The following ANKFN1 variants were observed in gnomAD, a reference collection of about 807,000 sequenced individuals.
The protein encoded by ANKFN1 is ankyrin repeat and fibronectin type III domain containing 1.
ANKFN1 carries 74 observed loss-of-function variants against 108.7 expected under a neutral mutation model. The ratio of observed to expected loss-of-function variants is 0.68; its 90% confidence interval spans 0.56 to 0.83. The LOEUF (loss-of-function observed/expected upper bound fraction) is 0.83, where lower values mean the gene tolerates loss of function less well. Ranked by LOEUF, ANKFN1 falls within the 40% of genes least tolerant of loss-of-function variation. The pLI is 0.00. For synonymous variants in ANKFN1, 547 were observed against 516.2 expected, an observed-to-expected ratio of 1.06 and a Z score of -0.81; for missense variants, 1,505 against 1,382.3, an observed-to-expected ratio of 1.09 and a Z score of -1.41.
intron 20 of ANKFN1, among the ~76,000 whole-genome samples, chr17:56,499,420 A>G (rs2051298534): frequency 2.0e-5 from 3 of 152,260 alleles, no homozygotes; most frequent in South Asian, 4.1e-4. Context: ...ATGCCAAGTG[A>G]GGGCCACAAA....
chr17:56,399,536 G>A (rs1355850516), intron 8 of ANKFN1, among the ~76,000 whole-genome samples: 2 of 151,724 alleles, frequency 1.3e-5, no homozygotes, highest in Non-Finnish European at 2.9e-5. Flanking sequence ...GGTTACATGA[G>A]TAAGTTCTTT....
chr17:56,261,613 G>A (rs747937237), intron 3 of ANKFN1, among the ~76,000 whole-genome samples: 91 of 152,086 alleles, frequency 6.0e-4, no homozygotes, highest in Non-Finnish European at 9.4e-4. Flanking sequence ...CTGTCTAAGA[G>A]TCCCAAAGCT....
chr17:56,278,351 C>A (rs2043987661), intron 3 of ANKFN1, among the ~76,000 whole-genome samples: 3 of 152,210 alleles, frequency 2.0e-5, no homozygotes, highest in African/African-American at 7.2e-5. Flanking sequence ...GATCTAAGTT[C>A]TGCAAAATTC....
chr17:56,502,145 AAAC>A (rs2051392294), intron 20 of ANKFN1, among the ~76,000 whole-genome samples: 1 of 152,236 alleles, frequency 6.6e-6, no homozygotes, highest in Non-Finnish European at 1.5e-5. Flanking sequence ...TTAACTCTAC[AAAC>A]AACTCTTCAT....
At chr17:56,122,550 A>G (rs1567794035) in intron 4 of ANKFN1, among the ~76,000 whole-genome samples, 1 of 152,176 alleles carries the variant, frequency 6.6e-6, no homozygotes, top group Non-Finnish European at 1.5e-5. Context: ...ATCCCTGTCC[A>G]CATCTCAAAC....
At chr17:56,228,954 A>G (rs1031948280) in intron 3 of ANKFN1, among the ~76,000 whole-genome samples, 1 of 152,100 alleles carries the variant, frequency 6.6e-6, no homozygotes, top group Admixed American at 6.6e-5. Context: ...TACATGTTCT[A>G]ATAAATTCTC....
Position 56,417,026 on chromosome 17 carries a change from G to T in ANKFN1, c.911-23301G>T, listed in dbSNP as rs116161716. Among the ~76,000 whole-genome samples, 773 of 152,024 alleles carry T rather than the reference G, an allele frequency of 5.1e-3. 5 individuals carry two copies. The highest frequency in any genetic ancestry group is 0.017 in the African/African-American group (720 of 41,470). ...AAATCAAAACAATTAAACCCATAGA[G>T]ATAGAGAATAGAAGGATTGTTACCA... On this transcript the variant is annotated intron_variant, in intron 8 of 20. Coordinates refer to ENST00000682825, the MANE Select transcript of ANKFN1 (RefSeq NM_001370326.1).
intron 6 of ANKFN1, among the ~76,000 whole-genome samples, chr17:56,360,282 G>T (rs907633380): frequency 2.1e-4 from 32 of 152,004 alleles, no homozygotes; most frequent in Admixed American, 2.0e-3. Context: ...CCTTTGTACT[G>T]GCTATTCCAT....
chr17:56,069,825 T>C (rs1168903260), intron 4 of ANKFN1, among the ~76,000 whole-genome samples: 1 of 152,206 alleles, frequency 6.6e-6, no homozygotes, highest in East Asian at 1.9e-4. Flanking sequence ...GGCTACTCCA[T>C]AGACAGAGCA....
chr17:56,194,010 G>T (rs1913258689), intron 1 of ANKFN1, among the ~76,000 whole-genome samples: 2 of 152,304 alleles, frequency 1.3e-5, no homozygotes, highest in South Asian at 4.1e-4. Context: ...GATGGCAAGT[G>T]AGCACATGCA....
At chr17:56,492,010 C>T (rs1057398491) in intron 18 of ANKFN1, among the ~76,000 whole-genome samples, 177 bp from the exon 19 acceptor site, 1 of 152,126 alleles carries the variant, frequency 6.6e-6, no homozygotes, top group Admixed American at 6.5e-5. Flanking sequence ...TACTGTCTGA[C>T]TAAAGCCAGA....
At chr17:56,242,548 A>G (rs1462065823) in intron 3 of ANKFN1, among the ~76,000 whole-genome samples, 1 of 151,998 alleles carries the variant, frequency 6.6e-6, no homozygotes, top group African/African-American at 2.4e-5. Context: ...AACACTACTA[A>G]TCTCTCTAAT....
intron 17 of ANKFN1, 69 bp downstream of exon 17, chr17:56,480,887 G>GT: frequency 7.0e-7 from 1 of 1,425,622 alleles, no homozygotes; most frequent in Non-Finnish European, 9.5e-7. Flanking sequence ...ACATTAAGTG[G>GT]GGTGTGTGTG....
chr17:56,454,640 A>G (rs1044113473), intron 11 of ANKFN1, among the ~76,000 whole-genome samples: 26 of 152,142 alleles, frequency 1.7e-4, no homozygotes, highest in Non-Finnish European at 1.3e-4. Flanking sequence ...GATATCCCCA[A>G]TGTCAGAATC....
intron 4 of ANKFN1, among the ~76,000 whole-genome samples, chr17:56,122,611 T>A: frequency 6.6e-6 from 1 of 152,184 alleles, no homozygotes; most frequent in East Asian, 1.9e-4. Flanking sequence ...CTTCTTCTGC[T>A]TCAGACTATT....
At chr17:56,235,485 G>T (rs1917055774) in intron 3 of ANKFN1, among the ~76,000 whole-genome samples, 1 of 151,948 alleles carries the variant, frequency 6.6e-6, no homozygotes, top group Admixed American at 6.6e-5. Context: ...TTATAGTTTT[G>T]GGTTTTACAT....
At position 56,144,936 on chromosome 17, in the gene ANKFN1, C is replaced by CT. The variant is rs373302760; in HGVS notation, c.289-82971dup. The stretch of plus-strand genomic sequence containing the variant: ...TTTTTCCTCCTTCTCTTCTCTTACC[C>CT]TTTTTTTTTTCTAAAAACCACAAGA... On this transcript the variant is annotated intron_variant, in intron 4 of 12. Transcript: ENST00000635860. 1.6e-3 allele frequency among the ~76,000 whole-genome samples: 236 copies of CT among 150,930 alleles called. 2 individuals are homozygous for CT. The highest frequency in any genetic ancestry group is 5.5e-3 in the African/African-American group (225 of 41,004).
At chr17:56,398,042 A>G (rs1446173130) in intron 8 of ANKFN1, among the ~76,000 whole-genome samples, 2 of 152,126 alleles carry the variant, frequency 1.3e-5, no homozygotes, top group Non-Finnish European at 2.9e-5. Flanking sequence ...TTCCTGTTGT[A>G]TTCTTTCAGG....
intron 3 of ANKFN1, chr17:56,258,212 T>G (rs1349055430): frequency 6.6e-6 from 1 of 152,266 alleles, no homozygotes; most frequent in Non-Finnish European, 1.5e-5. Flanking sequence ...AATGGGCTTC[T>G]GATGGCTTTA....
Sources: allele counts gnomAD v4.1 joint callset (sites outside exome capture counted in the v4.1 genomes callset), GRCh38; gene constraint gnomAD v4.1.1; transcripts MANE v1.5; gene names NCBI Gene and HGNC (gene_info 2026-07-23, HGNC 2026-07-21).